IBTK: variants seen among roughly 807,000 people sequenced by gnomAD.
IBTK encodes inhibitor of Bruton tyrosine kinase, also known as BTK-binding protein.
A neutral mutation model predicts 154.9 loss-of-function variants in IBTK; 83 were observed. The observed-to-expected ratio is 0.54, with a 90% CI of 0.45 to 0.64. IBTK has a LOEUF of 0.64. Ranked by LOEUF, IBTK falls within the 30% of genes least tolerant of loss-of-function variation. The pLI, the probability that IBTK is intolerant of heterozygous loss-of-function variation, is 0.00. For synonymous variants in IBTK, 515 were observed against 536.1 expected (o/e 0.96, Z 0.54); for missense variants, 1,332 against 1,584.6 (o/e 0.84, Z 2.71).
At chr6:82,216,938 T>C (rs1041723418) in intron 10 of IBTK, among the ~76,000 whole-genome samples, 3 of 152,082 alleles carry the variant, frequency 2.0e-5, no homozygotes, top group Non-Finnish European at 4.4e-5. Context: ...GGTTGTAGTG[T>C]GAAGAATGTT....
chr6:82,234,874 A>T (rs1770656361), intron 2 of IBTK, among the ~76,000 whole-genome samples: 1 of 151,290 alleles, frequency 6.6e-6, no homozygotes, highest in Non-Finnish European at 1.5e-5. Context: ...TTTTTTTTGC[A>T]GGGGGGACGG....
intron 3 of IBTK, among the ~76,000 whole-genome samples, chr6:82,232,394 T>C (rs1231172425): frequency 6.6e-6 from 1 of 152,204 alleles, no homozygotes; most frequent in Non-Finnish European, 1.5e-5. Context: ...CAATACTTTG[T>C]TTTTCATAGA....
chr6:82,242,034 T>C (rs1770971989), intron 1 of IBTK, among the ~76,000 whole-genome samples: 1 of 152,226 alleles, frequency 6.6e-6, no homozygotes, highest in African/African-American at 2.4e-5. Flanking sequence ...TAATCTTCTC[T>C]ATTAGGTTGG....
At position 82,200,627 on chromosome 6, in the gene IBTK, TATCTCCA is replaced by T; in HGVS notation, c.2865_2871del (p.Asp955GlufsTer4). 6.3e-7 allele frequency: 1 copy of T among 1,592,544 alleles called. No individual in the cohort carries two copies. The highest frequency in any genetic ancestry group is 8.5e-7 in the Non-Finnish European group (1 of 1,171,016). ...ATATTTATTTCTTCTTTCAAGAAGA[TATCTCCA>T]TCTTCTACTTCCAAATAGCTAATAT... On this transcript the variant is annotated frameshift_variant, in exon 20 of 29. Coordinates refer to ENST00000306270, the MANE Select transcript of IBTK (RefSeq NM_015525.4). LOFTEE classifies it high-confidence loss of function.
chr6:82,179,506 C>CAT (rs1768233851), intron 26 of IBTK, among the ~76,000 whole-genome samples: 1 of 152,132 alleles, frequency 6.6e-6, no homozygotes. Flanking sequence ...GACGACTGAA[C>CAT]ATATGCTCAT....
intron 16 of IBTK, among the ~76,000 whole-genome samples, chr6:82,209,574 G>C (rs1416490143): frequency 6.6e-6 from 1 of 152,112 alleles, no homozygotes; most frequent in African/African-American, 2.4e-5. Flanking sequence ...AGAGAGAGTG[G>C]GAAGTGTCTG....
In IBTK at chr6:82,172,406, G is replaced by T. The variant is rs780184006; in HGVS notation, c.3904C>A (p.Arg1302=). ...LQQEAALIRS[R]EKPLALIQIE... ...TGAATCAGAGCCAACGGTTTTTCTC[G>T]ACTTCTAATAAGAGCTGCTTCTTGT... is the stretch of plus-strand genomic sequence containing the variant. The change falls in exon 28 of 29, where the codon CGA becomes AGA. Residue 1302 remains arginine (R), a synonymous_variant. Transcript: ENST00000306270. 1 of 1,613,346 alleles carries T rather than the reference G, an allele frequency of 6.2e-7. No homozygotes were observed. The highest frequency in any genetic ancestry group is 1.1e-5 in the South Asian group (1 of 90,914).
intron 3 of IBTK, among the ~76,000 whole-genome samples, chr6:82,233,347 T>C (rs1304275019): frequency 6.6e-6 from 1 of 151,866 alleles, no homozygotes; most frequent in Admixed American, 6.6e-5. Flanking sequence ...ACAAAAATAA[T>C]GATAATTTCC....
At chr6:82,221,471 C>T (rs575630697) in intron 8 of IBTK, among the ~76,000 whole-genome samples, 2 of 152,252 alleles carry the variant, frequency 1.3e-5, no homozygotes, top group African/African-American at 4.8e-5. Context: ...ACAGATATTG[C>T]TACCATGAAA....
intron 18 of IBTK, among the ~76,000 whole-genome samples, chr6:82,202,186 A>G (rs898556303): frequency 2.6e-5 from 4 of 152,180 alleles, no homozygotes; most frequent in Non-Finnish European, 4.4e-5. Flanking sequence ...AAACTAAACA[A>G]TGAAGCTTTA....
At chr6:82,214,857 C>A in intron 11 of IBTK, 28 bp from the exon 12 acceptor site, 1 of 1,518,044 alleles carries the variant, frequency 6.6e-7, no homozygotes, top group South Asian at 1.3e-5. Flanking sequence ...ACAAATTATG[C>A]TTCAAAAAAT....
At chr6:82,220,937 TACACACACACACACACACAC>T (rs57358110) in intron 8 of IBTK, among the ~76,000 whole-genome samples, 48 of 130,160 alleles carry the variant, frequency 3.7e-4, no homozygotes, top group African/African-American at 1.3e-3. Flanking sequence ...TGACTTTACC[TACACACACACACACACACAC>T]ACACACACAC....
chr6:82,208,356 T>C (rs1440326180), intron 16 of IBTK, among the ~76,000 whole-genome samples: 2 of 152,070 alleles, frequency 1.3e-5, no homozygotes, highest in Admixed American at 1.3e-4. Flanking sequence ...GACAGAACTA[T>C]AAAACTCTTA....
chr6:82,174,200 G>A (rs903899912), intron 26 of IBTK, among the ~76,000 whole-genome samples: 1 of 152,048 alleles, frequency 6.6e-6, no homozygotes, highest in Non-Finnish European at 1.5e-5. Flanking sequence ...AAATTAACAG[G>A]ACCTAAAATA....
chr6:82,192,871 G>A (rs1485091442), intron 23 of IBTK, among the ~76,000 whole-genome samples: 1 of 152,042 alleles, frequency 6.6e-6, no homozygotes, highest in African/African-American at 2.4e-5. Flanking sequence ...AGGCCGAGGT[G>A]GGCGGATCAC....
intron 19 of IBTK, 45 bp from the exon 20 acceptor site, chr6:82,200,753 G>GTTTTT (rs138809525): frequency 3.8e-3 from 1,492 of 393,204 alleles, no homozygotes; most frequent in South Asian, 0.012. Context: ...AATCTGTGAA[G>GTTTTT]TTTTTTTTTT....
chr6:82,242,776 C>G (rs1225673526), intron 1 of IBTK, among the ~76,000 whole-genome samples: 1 of 151,486 alleles, frequency 6.6e-6, no homozygotes, highest in Non-Finnish European at 1.5e-5. Context: ...GAAACCCCAT[C>G]TCTACTAAAA....
chr6:82,192,513 G>T (rs1408060948), intron 23 of IBTK, among the ~76,000 whole-genome samples: 1 of 152,034 alleles, frequency 6.6e-6, no homozygotes, highest in African/African-American at 2.4e-5. Flanking sequence ...TTGGGAGGCC[G>T]AGGCGGGTGG....
rs1401967548 is a variant in IBTK at position 82,196,480 on chromosome 6, A to T, written c.3026-34T>A. On this transcript the variant is annotated intron_variant, in intron 21 of 28. Coordinates refer to ENST00000306270, the MANE Select transcript of IBTK (RefSeq NM_015525.4). ...TGAAATTAAAAAAAATTAAACACAT[A>T]TGCATTAAACATATATGCATTACAT... The T allele has an allele frequency of 1.1e-5, 17 of 1,479,300 alleles. No individual in the cohort carries two copies. The South Asian group carries it at 2.1e-4, about 18-fold the overall frequency. The allele number at this position is 1,479,300 out of a possible 1,614,324, so 91.6% of individuals were successfully genotyped here.
Sources: gnomAD v4.1 joint callset for allele counts (sites outside exome capture counted in the v4.1 genomes callset) on GRCh38, gnomAD v4.1.1 for gene constraint, MANE v1.5 for transcripts, NCBI Gene and HGNC (gene_info 2026-07-23, HGNC 2026-07-21) for gene names.